Variants in TMED3 observed in about 807,000 individuals in gnomAD.
The protein encoded by TMED3 is transmembrane emp24 domain-containing protein 3.
A neutral mutation model predicts 15.0 loss-of-function variants in TMED3; 9 were observed. The ratio of observed to expected loss-of-function variants is 0.60; its 90% CI spans 0.36 to 1.04. The LOEUF is 1.04. Ranked by LOEUF, TMED3 falls within the 50% of genes least tolerant of loss-of-function variation. The pLI is 0.01. For synonymous variants in TMED3, 117 were observed against 121.4 expected, an observed-to-expected ratio of 0.96 and a Z score of 0.24; for missense variants, 267 against 278.9, an observed-to-expected ratio of 0.96 and a Z score of 0.30.
At chr15:79,407,775 CT>C (rs1407823223) in intron 2 of TMED3, among the ~76,000 whole-genome samples, 1 of 152,208 alleles carries the variant, frequency 6.6e-6, no homozygotes, top group Non-Finnish European at 1.5e-5. Context: ...TACCTGACCC[CT>C]GACAGGAAAC....
chr15:79,373,625 A>G (rs936121321), intron 2 of TMED3, among the ~76,000 whole-genome samples: 10 of 152,222 alleles, frequency 6.6e-5, no homozygotes, highest in Admixed American at 1.3e-4. Context: ...AAAAGAGTCA[A>G]ACCCTGTAAG....
intron 2 of TMED3, among the ~76,000 whole-genome samples, chr15:79,337,906 T>C (rs2058832857): frequency 6.6e-6 from 1 of 152,208 alleles, no homozygotes; most frequent in Non-Finnish European, 1.5e-5. Flanking sequence ...TGCACATGGA[T>C]GGGAATGAAT....
chr15:79,341,552 C>T (rs1216710912), intron 2 of TMED3, among the ~76,000 whole-genome samples: 2 of 152,124 alleles, frequency 1.3e-5, no homozygotes, highest in Non-Finnish European at 2.9e-5. Context: ...CTGCTGTTAG[C>T]GAGGCAGATG....
intron 2 of TMED3, among the ~76,000 whole-genome samples, chr15:79,369,422 C>T (rs1438973470): frequency 6.6e-6 from 1 of 152,204 alleles, no homozygotes; most frequent in Non-Finnish European, 1.5e-5. Flanking sequence ...ACCTTGCTGG[C>T]TTCCTCCCCT....
chr15:79,355,681 A>C (rs1344724904), intron 2 of TMED3, among the ~76,000 whole-genome samples: 1 of 152,066 alleles, frequency 6.6e-6, no homozygotes, highest in Admixed American at 6.5e-5. Flanking sequence ...TCCAGTCCTC[A>C]CCCCTTGGAT....
intron 2 of TMED3, among the ~76,000 whole-genome samples, chr15:79,356,173 T>C (rs1408653652): frequency 6.6e-6 from 1 of 152,196 alleles, no homozygotes; most frequent in Non-Finnish European, 1.5e-5. Flanking sequence ...CGTGACACTT[T>C]CTGCAGGGAT....
At chr15:79,368,747 C>A (rs1284021862) in intron 2 of TMED3, among the ~76,000 whole-genome samples, 1 of 152,034 alleles carries the variant, frequency 6.6e-6, no homozygotes, top group African/African-American at 2.4e-5. Flanking sequence ...TTATTATTTT[C>A]TCTTCTTGTT....
chr15:79,412,063 A>G (rs555200673), exon 3 of TMED3: 2 of 140,108 alleles, frequency 1.4e-5, no homozygotes, highest in South Asian at 5.3e-4. Flanking sequence ...CTGTGCTGGC[A>G]AACCACACCA....
intron 2 of TMED3, among the ~76,000 whole-genome samples, chr15:79,391,007 A>G (rs1893688935): frequency 6.6e-6 from 1 of 151,216 alleles, no homozygotes; most frequent in East Asian, 1.9e-4. Context: ...TGGTCTATCA[A>G]TTCTATTCAT....
At position 79,380,361 on chromosome 15, in the gene TMED3, T is replaced by G. The variant is rs142182010; in HGVS notation, c.418-31039T>G. On this transcript the variant is annotated intron_variant, in intron 2 of 2. Transcript: ENST00000424155. The stretch of plus-strand genomic sequence containing the variant: ...CGAGACTCTGTCTCAACTATATATA[T>G]ATAGAGAGAGTTATACACATATATA... Among the ~76,000 whole-genome samples the G allele has an allele frequency of 9.7e-3, 1,453 of 149,580 alleles. 14 individuals are homozygous for G. The highest frequency in any genetic ancestry group is 0.021 in the African/African-American group (878 of 40,842).
rs199728545 is a variant in TMED3, at chr15:79,376,092, GTTTTTTTTTTTTTTTTTT to G, written c.418-35290_418-35273del. 1.3e-3 allele frequency among the ~76,000 whole-genome samples: 145 copies of G among 112,008 alleles called. 1 individual carries two copies. Among genetic ancestry groups the G allele is most frequent in the South Asian group, 3.8e-3 (13 of 3,424 alleles). The allele number at this position is 112,008 out of a possible 152,430, so 73.5% of individuals were successfully genotyped here. A position where few individuals can be genotyped will look rare whatever the true frequency, so the allele number is the denominator to read the frequency against. On this transcript the variant is annotated intron_variant, in intron 2 of 2. Transcript: ENST00000424155. ...CTTACTTCATCTATTCTAGAGAAAG[GTTTTTTTTTTTTTTTTTT>G]TTTTTTTTTTTTTTTTTGAGACGAA...
At chr15:79,321,407 C>G (rs1002576850) in intron 2 of TMED3, among the ~76,000 whole-genome samples, 11 of 152,154 alleles carry the variant, frequency 7.2e-5, no homozygotes, top group African/African-American at 2.7e-4. Context: ...ATATATGTGT[C>G]TTTGCATGTG....
rs113131086 is a variant in TMED3, at chr15:79,317,326, C to T, written c.417+3321C>T. ...GTGTCTACACCTGTGATTTCTGTGT[C>T]CTCCCTCTTCTTTTTCCCTTCCTCC... On this transcript the variant is annotated intron_variant, in intron 2 of 2. Coordinates refer to ENST00000299705, the MANE Select transcript of TMED3 (RefSeq NM_007364.4). 2.4e-4 allele frequency among the ~76,000 whole-genome samples: 36 copies of T among 152,302 alleles called. 1 individual carries two copies. Among genetic ancestry groups the T allele is most frequent in the African/African-American group, 8.2e-4 (34 of 41,554 alleles).
chr15:79,318,531 A>C (rs947929851), intron 2 of TMED3, among the ~76,000 whole-genome samples: 15 of 152,308 alleles, frequency 9.8e-5, no homozygotes, highest in African/African-American at 2.9e-4. Context: ...AGGGATCACC[A>C]GGGTGATGTA....
At chr15:79,379,209 C>G (rs1321353553) in intron 2 of TMED3, among the ~76,000 whole-genome samples, 1 of 152,108 alleles carries the variant, frequency 6.6e-6, no homozygotes, top group Non-Finnish European at 1.5e-5. Context: ...TTTCAGTATG[C>G]CTTTGTCAGT....
downstream of TMED3, among the ~76,000 whole-genome samples, chr15:79,326,300 A>G (rs570775110): frequency 3.9e-5 from 6 of 152,354 alleles, no homozygotes; most frequent in African/African-American, 7.2e-5. Flanking sequence ...ACTTAGAATC[A>G]AATAGCCCGG....
intron 2 of TMED3, among the ~76,000 whole-genome samples, chr15:79,404,783 G>A (rs1422083306): frequency 1.3e-5 from 2 of 152,212 alleles, no homozygotes. Context: ...TGCTCACTGG[G>A]AGGATTTACC....
At chr15:79,353,233 TA>T (rs1312760229) in intron 2 of TMED3, among the ~76,000 whole-genome samples, 46 of 83,682 alleles carry the variant, frequency 5.5e-4, no homozygotes, top group African/African-American at 2.2e-3. Context: ...ACATAATATA[TA>T]AAATATATAT....
At chr15:79,411,426 G>A (rs1360046695) in exon 3 of TMED3, 2 of 702,442 alleles carry the variant, frequency 2.8e-6, no homozygotes, top group Non-Finnish European at 5.2e-6. Context: ...ATTGGAAGGA[G>A]GTGGACAAGA....
Sources: gnomAD v4.1 joint callset for allele counts (sites outside exome capture counted in the v4.1 genomes callset) on GRCh38, gnomAD v4.1.1 for gene constraint, MANE v1.5 for transcripts, NCBI Gene and HGNC (gene_info 2026-07-23, HGNC 2026-07-21) for gene names.